Variants in FGF13 observed in about 807,000 individuals in gnomAD.
The protein encoded by FGF13 is fibroblast growth factor homologous factor 2.
Under a neutral mutation model 19.5 loss-of-function variants are expected in FGF13, and 2 were observed. The observed-to-expected ratio is 0.10, with a 90% CI of 0.04 to 0.32. FGF13 has a LOEUF of 0.32. FGF13 is among the 10% of genes least tolerant of loss of function. The probability of loss-of-function intolerance (pLI) is 1.00; values close to 1 mark genes in which losing one functional copy is unlikely to be tolerated. For missense variants in FGF13, 113 were observed against 192.7 expected, an observed-to-expected ratio of 0.59 and a Z score of 2.45; for synonymous variants, 72 against 76.9, an observed-to-expected ratio of 0.94 and a Z score of 0.33.
intron 3 of FGF13, among the ~76,000 whole-genome samples, chrX:138,668,709 A>T (rs1173364672): frequency 1.8e-5 from 2 of 110,021 alleles, no homozygotes; most frequent in East Asian, 5.8e-4. Context: ...GGTGGGGAGG[A>T]CATCAAACAT....
chrX:139,084,339 C>A lies in FGF13; in HGVS notation c.-113+119077G>T, dbSNP rs888299895. On this transcript the variant is annotated intron_variant, in intron 1 of 2. Coordinates refer to the FGF13 transcript ENST00000421460. ...ATACAGAAGATTGCAAATGTGACCA[C>A]TAAACTTTTGACACTCTGGCAGTCA... Among the ~76,000 whole-genome samples the A allele has an allele frequency of 9.9e-5, 11 of 111,500 alleles. 1 individual carries two copies. Among genetic ancestry groups the A allele is most frequent in the Middle Eastern group, 4.7e-3 (1 of 215 alleles).
At chrX:139,117,693 A>G in intron 1 of FGF13, among the ~76,000 whole-genome samples, 1 of 111,359 alleles carries the variant, frequency 9.0e-6, no homozygotes, top group Admixed American at 9.6e-5. Context: ...TGAGAAGCAC[A>G]GCTATCTAAA....
intron 3 of FGF13, among the ~76,000 whole-genome samples, chrX:138,668,967 C>T (rs924960652): frequency 3.4e-4 from 38 of 110,612 alleles, no homozygotes; most frequent in African/African-American, 1.2e-3. Flanking sequence ...AGATAGAATG[C>T]GGAGGGCTGA....
chrX:139,197,538 G>T (rs113750475), intron 1 of FGF13, among the ~76,000 whole-genome samples: 11 of 111,849 alleles, frequency 9.8e-5, no homozygotes, highest in African/African-American at 3.6e-4. Flanking sequence ...AGATTCTATT[G>T]AATGCCCCAG....
intron 1 of FGF13, among the ~76,000 whole-genome samples, chrX:139,019,545 T>C (rs1380952637): frequency 9.0e-6 from 1 of 111,163 alleles, no homozygotes; most frequent in African/African-American, 3.3e-5. Context: ...GAAAAGACTA[T>C]AGATATGAAG....
intron 3 of FGF13, among the ~76,000 whole-genome samples, chrX:138,655,375 T>C (rs961073265): frequency 8.9e-6 from 1 of 112,115 alleles, no homozygotes; most frequent in African/African-American, 3.2e-5. Context: ...AGTGAATAAA[T>C]GTTTGGATGG....
intron 1 of FGF13, among the ~76,000 whole-genome samples, chrX:139,166,340 TGAA>T (rs1056783234): frequency 9.0e-5 from 10 of 111,681 alleles, no homozygotes; most frequent in Admixed American, 2.9e-4. Context: ...AGCTGCCATG[TGAA>T]GAAGGACGTA....
chrX:139,076,929 G>A (rs184439206), intron 1 of FGF13, among the ~76,000 whole-genome samples: 4 of 112,082 alleles, frequency 3.6e-5, no homozygotes, highest in Middle Eastern at 4.6e-3. Flanking sequence ...ACTACACTAC[G>A]GTCCAGGGAG....
intron 1 of FGF13, among the ~76,000 whole-genome samples, chrX:138,731,724 C>T (rs750641594): frequency 4.5e-5 from 5 of 110,190 alleles, no homozygotes; most frequent in Admixed American, 9.7e-5. Context: ...GAGATAATCA[C>T]GAAAGCCAAA....
intron 1 of FGF13, among the ~76,000 whole-genome samples, chrX:138,731,391 C>A (rs2090229375): frequency 9.3e-6 from 1 of 107,396 alleles, no homozygotes; most frequent in Admixed American, 1.0e-4. Flanking sequence ...CCAGAATGTA[C>A]ATAGACCACC....
upstream of FGF13, among the ~76,000 whole-genome samples, chrX:138,743,209 C>A (rs772573420): frequency 9.0e-6 from 1 of 111,081 alleles, no homozygotes; most frequent in East Asian, 2.9e-4. Flanking sequence ...TAAAAGAGGG[C>A]TAAAAGAGAT....
intron 1 of FGF13, among the ~76,000 whole-genome samples, chrX:138,949,714 C>A (rs1214116741): frequency 9.0e-6 from 1 of 111,407 alleles, no homozygotes; most frequent in African/African-American, 3.3e-5. Flanking sequence ...ATAAATGGAA[C>A]AGCATGAATA....
chrX:138,671,961 G>A (rs964109861), intron 3 of FGF13, among the ~76,000 whole-genome samples: 18 of 107,808 alleles, frequency 1.7e-4, no homozygotes, highest in African/African-American at 4.7e-4. Context: ...GAGGGAGTGA[G>A]CAATGGGGAA....
chrX:138,907,140 A>G (rs754282483), intron 1 of FGF13, among the ~76,000 whole-genome samples: 2 of 111,403 alleles, frequency 1.8e-5, no homozygotes, highest in African/African-American at 6.5e-5. Flanking sequence ...AGACACAGAG[A>G]ATGTAGATTC....
intron 3 of FGF13, among the ~76,000 whole-genome samples, chrX:138,776,757 C>T (rs1444419676): frequency 8.9e-6 from 1 of 111,789 alleles, no homozygotes; most frequent in Non-Finnish European, 1.9e-5. Context: ...GTTCTGAGTT[C>T]TTTTCTCTAA....
chrX:138,958,453 T>G (rs1234264982), intron 1 of FGF13, among the ~76,000 whole-genome samples: 1 of 111,913 alleles, frequency 8.9e-6, no homozygotes, highest in African/African-American at 3.3e-5. Flanking sequence ...GATTTTTGCA[T>G]CGATGTTCAT....
rs149994801 is a variant in FGF13 at position 138,812,926 on chromosome X, C to T, written c.217+44586G>A. Among the ~76,000 whole-genome samples, 842 of 110,989 alleles carry T rather than the reference C, an allele frequency of 7.6e-3. 6 individuals carry two copies. Among genetic ancestry groups the T allele is most frequent in the African/African-American group, 0.025 (772 of 30,463 alleles). ...ATGTGTTCTCAGTGTTCATCTCCCA[C>T]TTATGAGTGAGAACATGCAGTGTTT... On this transcript the variant is annotated intron_variant, in intron 3 of 6. Transcript: ENST00000436198.
intron 3 of FGF13, among the ~76,000 whole-genome samples, chrX:138,694,302 C>A (rs2089868649): frequency 1.8e-5 from 2 of 111,473 alleles, no homozygotes; most frequent in Admixed American, 9.5e-5. Context: ...TTTTATTGCA[C>A]CTAAACAATG....
intron 3 of FGF13, among the ~76,000 whole-genome samples, chrX:138,650,637 A>G (rs183816076): frequency 8.9e-6 from 1 of 111,891 alleles, no homozygotes; most frequent in Non-Finnish European, 1.9e-5. Flanking sequence ...TTTACACATA[A>G]TAACTGTACA....
Sources: gnomAD v4.1 joint callset for allele counts (sites outside exome capture counted in the v4.1 genomes callset) on GRCh38, gnomAD v4.1.1 for gene constraint, MANE v1.5 for transcripts, NCBI Gene and HGNC (gene_info 2026-07-23, HGNC 2026-07-21) for gene names.